PRX: variants seen among roughly 807,000 people sequenced by gnomAD.
PRX encodes the protein periaxin.
Under a neutral mutation model 29.6 loss-of-function variants are expected in PRX, and 24 were observed. That is an observed-to-expected ratio of 0.81 (90% CI 0.59 to 1.14). The LOEUF is 1.14. Among genes scored for constraint, PRX ranks in the 50% most tolerant of loss-of-function variants. PRX has a pLI of 0.00. For missense variants in PRX, 1,838 were observed against 1,926.4 expected (o/e 0.95, Z 0.86); for synonymous variants, 772 against 831.7 (o/e 0.93, Z 1.24).
At position 40,394,185 on chromosome 19, in the gene PRX, G is replaced by A. The variant is rs2079405655; in HGVS notation, c.4167C>T (p.Ala1389=). The A allele has an allele frequency of 6.3e-7, 1 of 1,585,880 alleles. No homozygotes were observed. The highest frequency in any genetic ancestry group is 1.1e-5 in the South Asian group (1 of 88,212). The change falls in exon 7 of 7, where the codon GCC becomes GCT. Residue 1389 remains alanine, a synonymous_variant. Transcript: ENST00000324001. This position sits in a 1 kb window ranked among gnomAD's most constrained non-coding sequence, Gnocchi z 5.8. ...PRVGLAAPSK[A]SRGQEGDAAP... ...CTGCATCGCCCTCCTGCCCCCGAGAGGCTTTAGAAGGGGCCGCCAGGCCTA... is the reference window on the plus strand; with the variant it reads ...CTGCATCGCCCTCCTGCCCCCGAGAAGCTTTAGAAGGGGCCGCCAGGCCTA...
chr19:40,402,121 G>A (rs1327209752), intron 5 of PRX, among the ~76,000 whole-genome samples: 1 of 152,118 alleles, frequency 6.6e-6, no homozygotes, highest in Non-Finnish European at 1.5e-5. Flanking sequence ...GGGAGGCCGA[G>A]GAGGGCGGAT....
chr19:40,412,873 G>A (rs1389983435), intron 1 of PRX, among the ~76,000 whole-genome samples: 1 of 152,104 alleles, frequency 6.6e-6, no homozygotes, highest in Non-Finnish European at 1.5e-5. Context: ...GCACCACCAT[G>A]CCCAGCTAAT....
chr19:40,411,259 G>A (rs1250336052), intron 1 of PRX, among the ~76,000 whole-genome samples: 6 of 152,106 alleles, frequency 3.9e-5, no homozygotes, highest in Non-Finnish European at 8.8e-5. Flanking sequence ...GCCAGGTGCC[G>A]GGCCTGGACC....
chr19:40,394,166 C>T lies in PRX; in HGVS notation c.4186G>A (p.Asp1396Asn), dbSNP rs566745894. Reference protein sequence around the residue: ...PSKASRGQEGDAAPKSPVREK... With the variant: ...PSKASRGQEGNAAPKSPVREK... ...CTGACGGGGGACTTGGGGGCTGCAT[C>T]GCCCTCCTGCCCCCGAGAGGCTTTA... Residue 1396 changes from aspartate (D) to asparagine (N), a missense_variant, in exon 7 of 7, where the codon GAT becomes AAT. Around this residue, in one of 3 missense-constraint regions of PRX, gnomAD observed 1,143 missense variants for 1,193.0 expected, o/e 0.96. Transcript: ENST00000324001. This position sits in a 1 kb window ranked among gnomAD's most constrained non-coding sequence, Gnocchi z 5.8. 2.6e-5 allele frequency: 41 copies of T among 1,587,970 alleles called. 1 individual carries two copies. The South Asian group carries it at 3.7e-4, about 15-fold the overall frequency.
At chr19:40,399,554 A>G (rs2079473452) in intron 5 of PRX, among the ~76,000 whole-genome samples, 1 of 152,176 alleles carries the variant, frequency 6.6e-6, no homozygotes, top group Admixed American at 6.6e-5. Context: ...TCCAAGGGTC[A>G]AGTCCCAGGC....
chr19:40,398,464 T>G lies in PRX; in HGVS notation c.381+156A>C. The G allele has an allele frequency of 6.5e-7, 1 of 1,527,582 alleles. No individual in the cohort carries two copies. The highest frequency in any genetic ancestry group is 1.4e-5 in the African/African-American group (1 of 73,192). 94.6% of individuals were successfully genotyped at this position (1,527,582 alleles called of 1,614,324 possible). A position where few individuals can be genotyped will look rare whatever the true frequency, so the allele number is the denominator to read the frequency against. On this transcript the variant is annotated intron_variant, in intron 6 of 6. Coordinates refer to ENST00000324001, the MANE Select transcript of PRX (RefSeq NM_181882.3). This position sits in a 1 kb window ranked among gnomAD's most constrained non-coding sequence, Gnocchi z 6.3. ...TCTGTCCCCCTTCCCGGGGAAGAGT[T>G]TGGGGCAGAGAGGAAGGGGCAGAGG...
At position 40,397,976 on chromosome 19, in the gene PRX, G is replaced by C; in HGVS notation, c.382-6C>G. 6.2e-7 allele frequency: 1 copy of C among 1,604,554 alleles called. No homozygotes were observed. Among genetic ancestry groups the C allele is most frequent in the Non-Finnish European group, 8.5e-7 (1 of 1,175,726 alleles). On this transcript the variant is annotated splice_region_variant and splice_polypyrimidine_tract_variant and intron_variant, in intron 6 of 6. Coordinates refer to ENST00000324001, the MANE Select transcript of PRX (RefSeq NM_181882.3). ...GGGGACAGACTCTGGATGTTCTGGG[G>C]AGAGAGGAGAGAGGCAGGAGGCGGT...
chr19:40,403,391 T>A (rs960781575), intron 5 of PRX, among the ~76,000 whole-genome samples: 2 of 152,134 alleles, frequency 1.3e-5, no homozygotes, highest in Admixed American at 1.3e-4. Context: ...GCTAAGTGTT[T>A]TCACATACTG....
rs777413169 is a variant in PRX at position 40,396,372 on chromosome 19, C to A, written c.1980G>T (p.Pro660=). The change falls in exon 7 of 7, where the codon CCG becomes CCT. Residue 660 remains proline, a synonymous_variant. Transcript: ENST00000324001. The part of the protein sequence containing the change: ...PDVHLPEVQL[P]KVPEMKLPKM... ...TAGGGAGTTTCATCTCTGGGACTTT[C>A]GGGAGCTGCACTTCCGGGAGGTGCA... is the stretch of plus-strand genomic sequence containing the variant. 1.9e-5 allele frequency: 30 copies of A among 1,611,616 alleles called. No homozygotes were observed. The highest frequency in any genetic ancestry group is 2.3e-5 in the Non-Finnish European group (27 of 1,179,562).
chr19:40,408,201 C>T lies in PRX; in HGVS notation c.-143G>A, dbSNP rs559995627. 11 of 579,926 alleles carry T rather than the reference C, an allele frequency of 1.9e-5. No homozygotes were observed. Among genetic ancestry groups the T allele is most frequent in the African/African-American group, 7.5e-5 (4 of 53,588 alleles). 35.9% of individuals were successfully genotyped at this position (579,926 alleles called of 1,614,324 possible). A position where few individuals can be genotyped will look rare whatever the true frequency, so the allele number is the denominator to read the frequency against. On this transcript the variant is annotated 5_prime_UTR_variant, in exon 3 of 7. Transcript: ENST00000324001. The stretch of plus-strand genomic sequence containing the variant: ...ACTTCCTCCTAACAGGAGCCCAGCC[C>T]GAGGTGCCGCACAGCTGTCTGCAGG...
chr19:40,402,937 A>C (rs905851115), intron 5 of PRX, among the ~76,000 whole-genome samples: 1 of 152,168 alleles, frequency 6.6e-6, no homozygotes, highest in African/African-American at 2.4e-5. Flanking sequence ...TGGGAGACTG[A>C]GGCGGATGGA....
chr19:40,398,366 G>A lies in PRX; in HGVS notation c.381+254C>T, dbSNP rs2079462368. The A allele has an allele frequency of 7.0e-7, 1 of 1,435,626 alleles. No homozygotes were observed. Among genetic ancestry groups the A allele is most frequent in the Admixed American group, 2.9e-5 (1 of 35,032 alleles). 88.9% of individuals were successfully genotyped at this position (1,435,626 alleles called of 1,614,324 possible). On this transcript the variant is annotated intron_variant, in intron 6 of 6. Coordinates refer to ENST00000324001, the MANE Select transcript of PRX (RefSeq NM_181882.3). This position sits in a 1 kb window ranked among gnomAD's most constrained non-coding sequence, Gnocchi z 6.3. Reference sequence around the variant, plus strand: ...CCTGGTTCGAAGTAGCCTGGTTCAGGACCCCTAGCAAGCCTGGATCCGATG... The same window carrying A: ...CCTGGTTCGAAGTAGCCTGGTTCAGAACCCCTAGCAAGCCTGGATCCGATG...
chr19:40,412,132 C>G (rs184419449), intron 1 of PRX, among the ~76,000 whole-genome samples: 1 of 152,336 alleles, frequency 6.6e-6, no homozygotes, highest in African/African-American at 2.4e-5. Flanking sequence ...TGACTGCCAC[C>G]AACTTCACTT....
At position 40,400,524 on chromosome 19, in the gene PRX, G is replaced by A. The variant is rs532597209; in HGVS notation, c.185-1708C>T. 5.0e-4 allele frequency among the ~76,000 whole-genome samples: 74 copies of A among 147,616 alleles called. 1 individual carries two copies. The highest frequency in any genetic ancestry group is 8.8e-4 in the Admixed American group (13 of 14,744). ...GGAGAATCACTTGAACCCGGGAGGC[G>A]GAGGTTGCGGTGAGCTGAGATCGTG... is the stretch of plus-strand genomic sequence containing the variant. On this transcript the variant is annotated intron_variant, in intron 5 of 6. Coordinates refer to ENST00000324001, the MANE Select transcript of PRX (RefSeq NM_181882.3).
At chr19:40,403,444 A>T (rs1326007507) in intron 5 of PRX, among the ~76,000 whole-genome samples, 1 of 152,180 alleles carries the variant, frequency 6.6e-6, no homozygotes, top group East Asian at 1.9e-4. Context: ...TACTAGAATA[A>T]GTCCCATTTC....
chr19:40,409,466 T>TTATTATTATTAG lies in PRX; in HGVS notation c.-242-1084_-242-1083insCTAATAATAATA, dbSNP rs1349339129. Among the ~76,000 whole-genome samples, 3 of 147,632 alleles carry TTATTATTATTAG rather than the reference T, an allele frequency of 2.0e-5. No individual in the cohort carries two copies. The Admixed American group carries it at 2.0e-4, about 10-fold the overall frequency. ...TAAATACTTGCTATTATTATTATTA[T>TTATTATTATTAG]TATTATTATTATTATTATTATTTTG... On this transcript the variant is annotated intron_variant, in intron 1 of 6. Transcript: ENST00000324001.
intron 5 of PRX, among the ~76,000 whole-genome samples, chr19:40,402,247 G>C (rs1447263859): frequency 6.6e-6 from 1 of 151,766 alleles, no homozygotes; most frequent in Non-Finnish European, 1.5e-5. Context: ...CCAGTTACTA[G>C]GGAGGCTGAG....
chr19:40,399,893 TTCTTTCTTTCTTTTTC>T (rs1199277046), intron 5 of PRX, among the ~76,000 whole-genome samples: 43 of 67,914 alleles, frequency 6.3e-4, no homozygotes, highest in African/African-American at 4.6e-3. Context: ...CTTTCTTTCT[TTCTTTCTTTCTTTTTC>T]TTTCTTTCTT....
chr19:40,410,939 G>A (rs916197859), intron 1 of PRX, among the ~76,000 whole-genome samples: 11 of 152,170 alleles, frequency 7.2e-5, no homozygotes, highest in African/African-American at 2.7e-4. Flanking sequence ...ACAACTGATG[G>A]GTATTGAGTG....
Sources: gnomAD v4.1 joint callset for allele counts (sites outside exome capture counted in the v4.1 genomes callset) on GRCh38, gnomAD v4.1.1 for gene constraint, gnomAD v4.1.1 regional missense constraint, Gnocchi (gnomAD v3.1) non-coding constraint, MANE v1.5 for transcripts, NCBI Gene and HGNC (gene_info 2026-07-23, HGNC 2026-07-21) for gene names.